The following ZNF141 variants were observed in gnomAD, a reference collection of about 807,000 sequenced individuals.
The protein encoded by ZNF141 is zinc finger protein 141 (clone pHZ-44).
A neutral mutation model predicts 11.3 loss-of-function variants in ZNF141; 7 were observed. That is an observed-to-expected ratio of 0.62 (90% CI 0.35 to 1.16). The LOEUF (loss-of-function observed/expected upper bound fraction) is 1.16, where lower values mean the gene tolerates loss of function less well. Ranked by LOEUF, ZNF141 falls within the 50% of genes most tolerant of loss-of-function variation. ZNF141 has a pLI of 0.02. For missense variants in ZNF141, 535 were observed against 554.0 expected, an observed-to-expected ratio of 0.97 and a Z score of 0.34; for synonymous variants, 183 against 190.7, an observed-to-expected ratio of 0.96 and a Z score of 0.33.
intron 3 of ZNF141, among the ~76,000 whole-genome samples, chr4:364,793 C>A (rs1222298986): frequency 2.0e-5 from 3 of 152,224 alleles, no homozygotes; most frequent in East Asian, 3.9e-4. Flanking sequence ...GGTCAGGGAC[C>A]CACTTGAGGA....
chr4:368,231 A>AT (rs1242220252), intron 3 of ZNF141, among the ~76,000 whole-genome samples: 1 of 151,836 alleles, frequency 6.6e-6, no homozygotes, highest in African/African-American at 2.4e-5. Flanking sequence ...GTAATGTTTC[A>AT]TTTTTTTAAA....
chr4:354,367 A>AGT (rs1409189785), intron 3 of ZNF141, among the ~76,000 whole-genome samples: 4 of 152,234 alleles, frequency 2.6e-5, no homozygotes, highest in African/African-American at 9.6e-5. Context: ...GGTTTCTATG[A>AGT]GTTCAAGGCA....
intron 3 of ZNF141, among the ~76,000 whole-genome samples, chr4:363,082 G>A (rs1261764547): frequency 6.6e-6 from 1 of 152,188 alleles, no homozygotes; most frequent in Admixed American, 6.5e-5. Flanking sequence ...TCTCCTTGAA[G>A]AGGTCCTTCA....
chr4:342,183 A>G (rs1374117790), intron 1 of ZNF141, among the ~76,000 whole-genome samples: 1 of 152,226 alleles, frequency 6.6e-6, no homozygotes, highest in African/African-American at 2.4e-5. Flanking sequence ...ATGAGAATTA[A>G]CACACATAAT....
intron 3 of ZNF141, among the ~76,000 whole-genome samples, chr4:357,777 G>T (rs1721915005): frequency 6.7e-6 from 1 of 150,202 alleles, no homozygotes; most frequent in Non-Finnish European, 1.5e-5. Flanking sequence ...CACGATCTTG[G>T]CTCACTGCAG....
At chr4:338,906 T>A (rs1340195203) in intron 1 of ZNF141, among the ~76,000 whole-genome samples, 1 of 152,208 alleles carries the variant, frequency 6.6e-6, no homozygotes, top group Non-Finnish European at 1.5e-5. Flanking sequence ...GTCGCAGGTG[T>A]CCGCGGGAGA....
At chr4:343,473 C>T (rs1420056957) in intron 1 of ZNF141, among the ~76,000 whole-genome samples, 2 of 152,088 alleles carry the variant, frequency 1.3e-5, no homozygotes, top group Non-Finnish European at 2.9e-5. Flanking sequence ...CGCCTGTAAT[C>T]CCAGCACTGT....
At chr4:345,417 A>C (rs1428709879) in intron 3 of ZNF141, among the ~76,000 whole-genome samples, 1 of 152,204 alleles carries the variant, frequency 6.6e-6, no homozygotes, top group Non-Finnish European at 1.5e-5. Context: ...GATTTCCAAC[A>C]TTTTGGCTTC....
At chr4:346,118 A>G (rs1721308376) in intron 3 of ZNF141, among the ~76,000 whole-genome samples, 1 of 152,230 alleles carries the variant, frequency 6.6e-6, no homozygotes, top group Admixed American at 6.5e-5. Flanking sequence ...AACATTGTTG[A>G]TAGGTTCTTG....
At chr4:356,600 C>T (rs782508168) in intron 3 of ZNF141, among the ~76,000 whole-genome samples, 15 of 152,134 alleles carry the variant, frequency 9.9e-5, no homozygotes, top group Non-Finnish European at 2.1e-4. Flanking sequence ...GTGTGAGCCA[C>T]CGCACCCGAC....
Position 357,418 on chromosome 4 carries a change from C to CAAAA in ZNF141, c.226+13001_226+13004dup, listed in dbSNP as rs565649782. On this transcript the variant is annotated intron_variant, in intron 3 of 3. Coordinates refer to ENST00000240499, the MANE Select transcript of ZNF141 (RefSeq NM_003441.4). ...TGAGTGATAGAGTGAGACTCTGTCT[C>CAAAA]AAAAAAAAAAAAAAAAGAATCTCTC... Among the ~76,000 whole-genome samples the CAAAA allele has an allele frequency of 1.5e-4, 14 of 93,378 alleles. No individual in the cohort carries two copies. In the Admixed American group the frequency reaches 1.7e-3, roughly 11 times the overall value. The allele number at this position is 93,378 out of a possible 152,430, so 61.3% of individuals were successfully genotyped here.
At chr4:370,437 G>A (rs1171528042) in intron 3 of ZNF141, among the ~76,000 whole-genome samples, 1 of 151,550 alleles carries the variant, frequency 6.6e-6, no homozygotes, top group Non-Finnish European at 1.5e-5. Flanking sequence ...TTCAGCATTT[G>A]GTTATCTTGA....
chr4:362,046 C>G (rs1166257202), intron 3 of ZNF141, among the ~76,000 whole-genome samples: 2 of 152,188 alleles, frequency 1.3e-5, no homozygotes, highest in African/African-American at 4.8e-5. Flanking sequence ...CCTGTTGTTT[C>G]CTGACTTTTT....
chr4:361,528 C>G (rs1250671956), intron 3 of ZNF141, among the ~76,000 whole-genome samples: 1 of 151,950 alleles, frequency 6.6e-6, no homozygotes, highest in Non-Finnish European at 1.5e-5. Context: ...ATCCCTCTCC[C>G]CGCCCAACCC....
intron 3 of ZNF141, among the ~76,000 whole-genome samples, chr4:367,849 C>T (rs1220165752): frequency 3.9e-5 from 6 of 152,156 alleles, no homozygotes; most frequent in Admixed American, 2.0e-4. Flanking sequence ...AGTTTGTTGT[C>T]ATAATTTAAG....
In ZNF141 at chr4:348,660, A is replaced by G. The variant is rs980614371; in HGVS notation, c.226+4230A>G. ...AACCCAAGAGGCAGAGGTTTCAGTG[A>G]GCCTAGATCACTGAACCTAGATTGT... On this transcript the variant is annotated intron_variant, in intron 3 of 3. Transcript: ENST00000240499. Among the ~76,000 whole-genome samples, 7 of 151,454 alleles carry G rather than the reference A, an allele frequency of 4.6e-5. No homozygotes were observed. In the East Asian group the frequency reaches 1.4e-3, roughly 29 times the overall value.
At chr4:359,018 C>G (rs1721986121) in intron 3 of ZNF141, among the ~76,000 whole-genome samples, 1 of 152,094 alleles carries the variant, frequency 6.6e-6, no homozygotes. Context: ...ATCTGTGAAG[C>G]CTTGTTTTGA....
At chr4:340,951 G>C (rs1324982049) in intron 1 of ZNF141, among the ~76,000 whole-genome samples, 4 of 152,078 alleles carry the variant, frequency 2.6e-5, no homozygotes, top group African/African-American at 4.8e-5. Context: ...TCTAATTGGA[G>C]TGTATATTCA....
intron 3 of ZNF141, among the ~76,000 whole-genome samples, chr4:366,009 T>C (rs7668580): frequency 0.024 from 3,682 of 152,338 alleles, 150 homozygotes; most frequent in African/African-American, 0.084. Flanking sequence ...TTTATGCCAG[T>C]ATCATGTTGT....
Sources: gnomAD v4.1 joint callset for allele counts (sites outside exome capture counted in the v4.1 genomes callset) on GRCh38, gnomAD v4.1.1 for gene constraint, MANE v1.5 for transcripts, NCBI Gene and HGNC (gene_info 2026-07-23, HGNC 2026-07-21) for gene names.